NELL1: variants seen among roughly 807,000 people sequenced by gnomAD.
NELL1 encodes the protein protein kinase C-binding protein NELL1.
A neutral mutation model predicts 107.4 loss-of-function variants in NELL1; 76 were observed. The observed-to-expected ratio is 0.71, with a 90% CI of 0.59 to 0.86. The LOEUF (loss-of-function observed/expected upper bound fraction) is 0.86. NELL1 is among the 40% of genes least tolerant of loss of function. The pLI, the probability that NELL1 is intolerant of heterozygous loss-of-function variation, is 0.00. For missense variants in NELL1, 1,024 were observed against 1,005.5 expected (o/e 1.02, Z -0.25); for synonymous variants, 353 against 341.2 (o/e 1.03, Z -0.38).
chr11:21,396,917 TG>T (rs1185470552), intron 15 of NELL1, among the ~76,000 whole-genome samples: 1 of 151,534 alleles, frequency 6.6e-6, no homozygotes, highest in African/African-American at 2.4e-5. Flanking sequence ...GAAAGCTAGG[TG>T]GGATTGTACT....
rs538043214 is a variant in NELL1 at position 20,962,457 on chromosome 11, G to A, written c.1300+1897G>A. Among the ~76,000 whole-genome samples, 30 of 152,188 alleles carry A rather than the reference G, an allele frequency of 2.0e-4. No individual in the cohort carries two copies. The South Asian group carries it at 3.5e-3, about 18-fold the overall frequency. ...CAAAAACAATGTGAATCCTGATTAC[G>A]CCACTGGCAGACCTTTTAGTTGTTT... On this transcript the variant is annotated intron_variant, in intron 12 of 19. Transcript: ENST00000357134.
intron 15 of NELL1, among the ~76,000 whole-genome samples, chr11:21,486,741 G>A (rs1393557011): frequency 1.3e-5 from 2 of 151,970 alleles, no homozygotes; most frequent in Non-Finnish European, 2.9e-5. Context: ...AACAATTCAG[G>A]ATATGAATTT....
chr11:21,329,483 A>G (rs1565171003), intron 14 of NELL1, among the ~76,000 whole-genome samples: 1 of 152,178 alleles, frequency 6.6e-6, no homozygotes, highest in South Asian at 2.1e-4. Context: ...CTAAAACACT[A>G]TAGATGTGAA....
At chr11:20,711,515 T>C (rs1855113447) in intron 2 of NELL1, among the ~76,000 whole-genome samples, 1 of 152,150 alleles carries the variant, frequency 6.6e-6, no homozygotes, top group Non-Finnish European at 1.5e-5. Context: ...TTTTGGTGTA[T>C]TTTGAGGTTT....
At chr11:20,931,135 A>G (rs1424275630) in intron 9 of NELL1, among the ~76,000 whole-genome samples, 1 of 152,082 alleles carries the variant, frequency 6.6e-6, no homozygotes, top group African/African-American at 2.4e-5. Context: ...CTTTCAAGGT[A>G]GAGACGTGGT....
intron 2 of NELL1, among the ~76,000 whole-genome samples, chr11:20,744,090 T>C (rs60100756): frequency 0.045 from 6,906 of 152,246 alleles, 519 homozygotes; most frequent in African/African-American, 0.16. Context: ...CACATCTCAC[T>C]GTGTCCATAG....
At chr11:21,233,273 C>T (rs1858112799) in intron 14 of NELL1, among the ~76,000 whole-genome samples, 1 of 152,270 alleles carries the variant, frequency 6.6e-6, no homozygotes, top group Admixed American at 6.5e-5. Context: ...TTAGTTCCCA[C>T]CATAATCTTG....
Position 21,015,082 on chromosome 11 carries a change from T to A in NELL1, c.1300+54522T>A, listed in dbSNP as rs534511152. On this transcript the variant is annotated intron_variant, in intron 12 of 19. Coordinates refer to ENST00000357134, the MANE Select transcript of NELL1 (RefSeq NM_006157.5). ...CTTGTCATGTCAATTCTCTTTTTCT[T>A]AAGGTAACTGTCTTTTGACACGTCT... Among the ~76,000 whole-genome samples the A allele has an allele frequency of 2.6e-5, 4 of 152,264 alleles. No homozygotes were observed. In the East Asian group the frequency reaches 7.8e-4, roughly 30 times the overall value.
At chr11:21,088,686 G>A (rs114551831) in intron 12 of NELL1, among the ~76,000 whole-genome samples, 2,046 of 152,108 alleles carry the variant, frequency 0.013, 53 homozygotes, top group African/African-American at 0.046. Context: ...TTCTTACCAC[G>A]AACTGCTATT....
intron 13 of NELL1, among the ~76,000 whole-genome samples, chr11:21,140,525 A>G (rs1029319920): frequency 4.6e-5 from 7 of 152,216 alleles, no homozygotes; most frequent in African/African-American, 1.7e-4. Flanking sequence ...TCTGAAGGTC[A>G]TCTCTCTTGA....
intron 13 of NELL1, among the ~76,000 whole-genome samples, chr11:21,194,503 G>T (rs745595354): frequency 6.6e-6 from 1 of 151,994 alleles, no homozygotes; most frequent in Non-Finnish European, 1.5e-5. Context: ...GCTGGGCATT[G>T]GTTCATTTTA....
At chr11:21,063,466 G>C (rs1329583657) in intron 12 of NELL1, among the ~76,000 whole-genome samples, 1 of 152,090 alleles carries the variant, frequency 6.6e-6, no homozygotes, top group Non-Finnish European at 1.5e-5. Context: ...CTAATTATAG[G>C]CTTCTTCTTT....
chr11:21,086,771 C>G (rs940892212), intron 12 of NELL1, among the ~76,000 whole-genome samples: 2 of 151,404 alleles, frequency 1.3e-5, no homozygotes, highest in African/African-American at 4.9e-5. Context: ...ATAGAAAAAA[C>G]CTTGAATAGA....
At chr11:21,353,023 A>G (rs1420084389) in intron 14 of NELL1, among the ~76,000 whole-genome samples, 1 of 152,182 alleles carries the variant, frequency 6.6e-6, no homozygotes, top group African/African-American at 2.4e-5. Context: ...CAACATGAGG[A>G]CATGAGTAGA....
intron 12 of NELL1, among the ~76,000 whole-genome samples, chr11:20,979,889 C>T (rs147413088): frequency 1.3e-5 from 2 of 152,164 alleles, no homozygotes; most frequent in South Asian, 2.1e-4. Context: ...TATTTCTGTA[C>T]CCCATTTATC....
At chr11:21,047,642 G>A (rs1373764183) in intron 12 of NELL1, among the ~76,000 whole-genome samples, 1 of 152,060 alleles carries the variant, frequency 6.6e-6, no homozygotes, top group African/African-American at 2.4e-5. Flanking sequence ...TTATCTTGGA[G>A]CTATCTTTCT....
intron 13 of NELL1, among the ~76,000 whole-genome samples, chr11:21,200,553 A>T (rs1347741966): frequency 6.6e-6 from 1 of 152,102 alleles, no homozygotes; most frequent in African/African-American, 2.4e-5. Context: ...AAATGGGTAG[A>T]TTGCAAAAAT....
chr11:21,448,545 T>C (rs1853501566), intron 15 of NELL1, among the ~76,000 whole-genome samples: 1 of 152,220 alleles, frequency 6.6e-6, no homozygotes, highest in African/African-American at 2.4e-5. Flanking sequence ...TGTACATATA[T>C]AATATTTTTA....
chr11:21,027,098 A>G (rs72939999), intron 12 of NELL1, among the ~76,000 whole-genome samples: 7,504 of 152,184 alleles, frequency 0.049, 250 homozygotes, highest in Middle Eastern at 0.12. Context: ...TAAAGGAAGT[A>G]GATAAAGCAA....
Sources: gnomAD v4.1 joint callset for allele counts (sites outside exome capture counted in the v4.1 genomes callset) on GRCh38, gnomAD v4.1.1 for gene constraint, MANE v1.5 for transcripts, NCBI Gene and HGNC (gene_info 2026-07-23, HGNC 2026-07-21) for gene names.